Variants in NRG3 observed in about 807,000 individuals in gnomAD.
NRG3 encodes pro-neuregulin-3, membrane-bound isoform.
NRG3 carries 31 observed loss-of-function variants against 66.9 expected under a neutral mutation model. That is an observed-to-expected ratio of 0.46 (90% CI 0.35 to 0.63). The LOEUF is 0.63. Ranked by LOEUF, NRG3 falls within the 20% of genes least tolerant of loss-of-function variation. NRG3 has a pLI of 0.00. For missense variants in NRG3, 910 were observed against 878.9 expected, an observed-to-expected ratio of 1.04 and a Z score of -0.45; for synonymous variants, 393 against 359.4, an observed-to-expected ratio of 1.09 and a Z score of -1.06.
chr10:81,930,769 G>A (rs908699784), intron 1 of NRG3, among the ~76,000 whole-genome samples: 2 of 152,164 alleles, frequency 1.3e-5, no homozygotes, highest in African/African-American at 4.8e-5. Flanking sequence ...GGTGCAGACT[G>A]AGACATTATG....
intron 1 of NRG3, among the ~76,000 whole-genome samples, chr10:82,003,178 G>A (rs1309928013): frequency 6.6e-6 from 1 of 152,172 alleles, no homozygotes; most frequent in East Asian, 1.9e-4. Flanking sequence ...TTATGGGTAG[G>A]TGGCCTTGTG....
chr10:82,200,928 T>TG (rs1257327380), intron 1 of NRG3, among the ~76,000 whole-genome samples: 4 of 152,086 alleles, frequency 2.6e-5, no homozygotes, highest in African/African-American at 9.7e-5. Context: ...CCGGGCACGT[T>TG]GGCTCACACC....
chr10:82,856,919 A>G (rs551676767), intron 3 of NRG3, among the ~76,000 whole-genome samples: 27 of 152,340 alleles, frequency 1.8e-4, no homozygotes, highest in Non-Finnish European at 3.4e-4. Flanking sequence ...AGTTACTATC[A>G]CTAGTGACAG....
chr10:81,924,674 C>G (rs1018650081), intron 1 of NRG3, among the ~76,000 whole-genome samples: 2 of 152,162 alleles, frequency 1.3e-5, no homozygotes, highest in Non-Finnish European at 2.9e-5. Context: ...TCTAGACCAT[C>G]GTTCGAATTA....
chr10:82,611,474 T>A (rs1035495319), intron 2 of NRG3, among the ~76,000 whole-genome samples: 8 of 152,068 alleles, frequency 5.3e-5, no homozygotes, highest in African/African-American at 9.7e-5. Context: ...TGTGTCCATG[T>A]GTTCTCATTG....
At chr10:82,210,351 C>T (rs2075336558) in intron 1 of NRG3, among the ~76,000 whole-genome samples, 1 of 152,136 alleles carries the variant, frequency 6.6e-6, no homozygotes, top group Admixed American at 6.6e-5. Flanking sequence ...CATGTGATTG[C>T]ACTGTGAAGC....
intron 1 of NRG3, among the ~76,000 whole-genome samples, chr10:82,162,714 A>C (rs2071695231): frequency 6.6e-6 from 1 of 152,186 alleles, no homozygotes; most frequent in South Asian, 2.1e-4. Flanking sequence ...CAACGGAGAT[A>C]TGTAACTATG....
chr10:82,863,278 G>C (rs1489912388), intron 3 of NRG3, among the ~76,000 whole-genome samples: 3 of 152,144 alleles, frequency 2.0e-5, no homozygotes, highest in Non-Finnish European at 4.4e-5. Context: ...TATTTGGGTT[G>C]GTTCCAAGTC....
At chr10:82,175,049 G>A (rs2072925884) in intron 1 of NRG3, among the ~76,000 whole-genome samples, 1 of 151,956 alleles carries the variant, frequency 6.6e-6, no homozygotes, top group Non-Finnish European at 1.5e-5. Context: ...AGAATCTCAG[G>A]CATTAATTTT....
chr10:82,842,309 C>G (rs558459944), intron 3 of NRG3, among the ~76,000 whole-genome samples: 2 of 152,230 alleles, frequency 1.3e-5, no homozygotes, highest in South Asian at 4.1e-4. Flanking sequence ...GTATACATGC[C>G]AGTAGTGATG....
chr10:81,976,608 C>G (rs1245389253), intron 1 of NRG3, among the ~76,000 whole-genome samples: 1 of 152,092 alleles, frequency 6.6e-6, no homozygotes, highest in Non-Finnish European at 1.5e-5. Flanking sequence ...CGTGACATGA[C>G]ACACCATTTT....
intron 3 of NRG3, among the ~76,000 whole-genome samples, chr10:82,854,186 T>C (rs1354283711): frequency 6.6e-6 from 1 of 152,206 alleles, no homozygotes; most frequent in Non-Finnish European, 1.5e-5. Flanking sequence ...TAATTCTACA[T>C]GCTAAATGGA....
At chr10:82,591,522 T>C (rs887663280) in intron 2 of NRG3, among the ~76,000 whole-genome samples, 6 of 152,240 alleles carry the variant, frequency 3.9e-5, no homozygotes, top group Admixed American at 2.6e-4. Context: ...TACTTGTGTG[T>C]TCTTAAGGAA....
At position 82,329,313 on chromosome 10, in the gene NRG3, G is replaced by T. The variant is rs539908446; in HGVS notation, c.824-29426G>T. 5.3e-5 allele frequency among the ~76,000 whole-genome samples: 8 copies of T among 151,878 alleles called. No individual in the cohort carries two copies. The East Asian group carries it at 1.4e-3, about 26-fold the overall frequency. On this transcript the variant is annotated intron_variant, in intron 1 of 8. Coordinates refer to ENST00000372141, the MANE Select transcript of NRG3 (RefSeq NM_001010848.4). ...TTTATAAAAATCTCACTTGTTCTGG[G>T]AACTTACTAATTAATAGTTACATTG...
chr10:82,752,444 G>A (rs1057327460), intron 3 of NRG3, among the ~76,000 whole-genome samples: 3 of 152,004 alleles, frequency 2.0e-5, no homozygotes, highest in South Asian at 2.1e-4. Context: ...ATAACAGCTC[G>A]TAATACACAC....
intron 4 of NRG3, among the ~76,000 whole-genome samples, chr10:82,889,809 T>C (rs1842995867): frequency 1.3e-5 from 2 of 152,328 alleles, no homozygotes; most frequent in African/African-American, 4.8e-5. Context: ...GGATGCTTTC[T>C]GATGGCTCTA....
At chr10:82,543,766 T>G (rs1486036531) in intron 2 of NRG3, among the ~76,000 whole-genome samples, 15 of 152,206 alleles carry the variant, frequency 9.9e-5, no homozygotes, top group Admixed American at 9.8e-4. Context: ...CAAGGATTCA[T>G]TCGTTCAGCT....
intron 2 of NRG3, among the ~76,000 whole-genome samples, chr10:82,679,740 G>A (rs1056201909): frequency 6.6e-6 from 1 of 151,964 alleles, no homozygotes; most frequent in Non-Finnish European, 1.5e-5. Flanking sequence ...ATTATTAATT[G>A]CAGACAAAAT....
intron 3 of NRG3, among the ~76,000 whole-genome samples, chr10:82,854,549 C>T (rs146253598): frequency 1.4e-3 from 207 of 152,188 alleles, no homozygotes; most frequent in African/African-American, 4.7e-3. Context: ...TTTTTTTTCA[C>T]ATAAGCAGAC....
Sources: allele counts gnomAD v4.1 joint callset (sites outside exome capture counted in the v4.1 genomes callset), GRCh38; gene constraint gnomAD v4.1.1; transcripts MANE v1.5; gene names NCBI Gene and HGNC (gene_info 2026-07-23, HGNC 2026-07-21).